The following BFSP2 variants were observed in gnomAD, a reference collection of about 807,000 sequenced individuals.
BFSP2 encodes phakinin.
A neutral mutation model predicts 44.9 loss-of-function variants in BFSP2; 38 were observed. The ratio of observed to expected loss-of-function variants is 0.85; its 90% CI spans 0.65 to 1.11. The LOEUF (loss-of-function observed/expected upper bound fraction) is 1.11. BFSP2 is among the 50% of genes least tolerant of loss of function. The pLI is 0.00. For missense variants in BFSP2, 525 were observed against 533.0 expected (o/e 0.99, Z 0.15); for synonymous variants, 197 against 209.9 (o/e 0.94, Z 0.53).
At chr3:133,431,406 A>T (rs1207826745) in intron 1 of BFSP2, among the ~76,000 whole-genome samples, 1 of 152,120 alleles carries the variant, frequency 6.6e-6, no homozygotes, top group Non-Finnish European at 1.5e-5. Flanking sequence ...GCTTGCTTCA[A>T]GTGCCAGAAA....
At chr3:133,425,785 G>GAAAGGGAAAGGGA (rs149805571) in intron 1 of BFSP2, among the ~76,000 whole-genome samples, 1,282 of 25,574 alleles carry the variant, frequency 0.05, 36 homozygotes, top group African/African-American at 0.072. Context: ...AAGGGAAAGG[G>GAAAGGGAAAGGGA]AAGGGAAGGG....
chr3:133,432,313 AC>A (rs755785633), intron 1 of BFSP2, among the ~76,000 whole-genome samples: 31 of 152,214 alleles, frequency 2.0e-4, no homozygotes, highest in African/African-American at 7.0e-4. Context: ...CAACCGGTAC[AC>A]CCTTTCGTCC....
chr3:133,419,219 C>T (rs2073571175), intron 1 of BFSP2, among the ~76,000 whole-genome samples: 1 of 152,140 alleles, frequency 6.6e-6, no homozygotes, highest in African/African-American at 2.4e-5. Flanking sequence ...ACCGAATTAC[C>T]TCTTTAAAGA....
chr3:133,450,027 A>AG (rs10689448), intron 3 of BFSP2, among the ~76,000 whole-genome samples: 1 of 67,722 alleles, frequency 1.5e-5, no homozygotes. Context: ...GGAGGGAGGG[A>AG]GGGGGAGGGA....
intron 1 of BFSP2, among the ~76,000 whole-genome samples, chr3:133,416,496 CTGTG>C (rs2073531291): frequency 1.4e-5 from 2 of 147,622 alleles, no homozygotes; most frequent in African/African-American, 2.5e-5. Context: ...CATCCCTGTC[CTGTG>C]TCTGCCCTCT....
intron 6 of BFSP2, 58 bp from the exon 7 acceptor site, chr3:133,474,911 G>T (rs765457810): frequency 9.3e-6 from 15 of 1,606,302 alleles, no homozygotes; most frequent in Non-Finnish European, 1.2e-5. Context: ...ATCCTATTGT[G>T]ATAGAATGAC....
intron 1 of BFSP2, among the ~76,000 whole-genome samples, chr3:133,424,705 G>A (rs978846950): frequency 3.3e-5 from 5 of 152,106 alleles, no homozygotes; most frequent in Admixed American, 1.3e-4. Flanking sequence ...GCACAATCTC[G>A]GCTCAGTTCA....
rs117711906 is a variant in BFSP2, at chr3:133,467,420, C to T, written c.1023+461C>T. 1.1e-3 allele frequency among the ~76,000 whole-genome samples: 160 copies of T among 152,290 alleles called. 2 individuals carry two copies. In the East Asian group the frequency reaches 0.03, roughly 28 times the overall value. On this transcript the variant is annotated intron_variant, in intron 5 of 6. Coordinates refer to ENST00000302334, the MANE Select transcript of BFSP2 (RefSeq NM_003571.4). Reference sequence around the variant, plus strand: ...ATAGGACCAGGCTGTAGCCAGATTCCAGAGACCACATCCTCGCTTAGTGCC... The same window carrying T: ...ATAGGACCAGGCTGTAGCCAGATTCTAGAGACCACATCCTCGCTTAGTGCC...
intron 1 of BFSP2, among the ~76,000 whole-genome samples, chr3:133,422,936 G>A (rs775800210): frequency 6.6e-5 from 10 of 152,196 alleles, no homozygotes; most frequent in Non-Finnish European, 1.3e-4. Context: ...GATTGTGCCT[G>A]CCTATACCTG....
rs2073355875 is a variant in BFSP2 at position 133,400,639 on chromosome 3, G to C, written c.489+67G>C. On this transcript the variant is annotated intron_variant, in intron 1 of 6. Coordinates refer to ENST00000302334, the MANE Select transcript of BFSP2 (RefSeq NM_003571.4). This position sits in a 1 kb window ranked among gnomAD's most constrained non-coding sequence, Gnocchi z 4.0. ...GAGGGGCTGCTGAAGGCAGCGGGTA[G>C]GGTTGTGAGTAGGCTGAGGCCAGAG... 1 of 1,549,764 alleles carries C rather than the reference G, an allele frequency of 6.5e-7. No individual in the cohort carries two copies. Among genetic ancestry groups the C allele is most frequent in the Admixed American group, 2.0e-5 (1 of 51,090 alleles).
At position 133,472,549 on chromosome 3, in the gene BFSP2, G is replaced by A. The variant is rs781558027; in HGVS notation, c.1228G>A (p.Asp410Asn). The A allele has an allele frequency of 6.2e-7, 1 of 1,612,126 alleles. No individual in the cohort carries two copies. The highest frequency in any genetic ancestry group is 2.2e-5 in the East Asian group (1 of 44,884). The change falls in exon 6 of 7, where the codon GAC becomes AAC. Residue 410 changes from aspartate to asparagine, a missense_variant. Asp to Asn is a conservative substitution (Grantham distance 23). Coordinates refer to ENST00000302334, the MANE Select transcript of BFSP2 (RefSeq NM_003571.4). ...CGTGGCGTCCTACCACGCCCTGCTG[G>A]ACAGGGAGGAGAGCGGGTAAGCCTC... ...KDVASYHALL[D>N]REESG
At chr3:133,422,048 A>G (rs1055526136) in intron 1 of BFSP2, among the ~76,000 whole-genome samples, 1 of 142,876 alleles carries the variant, frequency 7.0e-6, no homozygotes, top group African/African-American at 2.6e-5. Flanking sequence ...CAGAGGTTGC[A>G]GTGAGCCAAG....
At chr3:133,418,613 C>T (rs2073566278) in intron 1 of BFSP2, among the ~76,000 whole-genome samples, 1 of 152,154 alleles carries the variant, frequency 6.6e-6, no homozygotes, top group Admixed American at 6.5e-5. Context: ...CAGCCACCCC[C>T]CGGAATGGGC....
At position 133,400,273 on chromosome 3, in the gene BFSP2, G is replaced by T. The variant is rs1158694669; in HGVS notation, c.190G>T (p.Gly64Trp). The change falls in exon 1 of 7, where the codon GGG becomes TGG. Residue 64 changes from glycine (G) to tryptophan (W), a missense_variant. Transcript: ENST00000302334. This position sits in a 1 kb window ranked among gnomAD's most constrained non-coding sequence, Gnocchi z 4.0. ...PGVYVGTAPS[G>W]CIGGLGARVT... ...GGTCTATGTAGGAACAGCACCCAGT[G>T]GGTGCATAGGTGGCTTGGGTGCCCG... 2 of 1,613,922 alleles carry T rather than the reference G, an allele frequency of 1.2e-6. No individual in the cohort carries two copies. Among genetic ancestry groups the T allele is most frequent in the African/African-American group, 1.3e-5 (1 of 74,938 alleles).
At chr3:133,423,877 A>G (rs1234602970) in intron 1 of BFSP2, among the ~76,000 whole-genome samples, 1 of 152,166 alleles carries the variant, frequency 6.6e-6, no homozygotes, top group Non-Finnish European at 1.5e-5. Flanking sequence ...TGATCCTGGG[A>G]AGCCAGTCAC....
chr3:133,470,338 G>A (rs1373778442), intron 5 of BFSP2, among the ~76,000 whole-genome samples: 1 of 152,188 alleles, frequency 6.6e-6, no homozygotes, highest in Non-Finnish European at 1.5e-5. Context: ...AGAATTTTCT[G>A]TTTCATCCAT....
At chr3:133,473,066 T>C (rs906203456) in intron 6 of BFSP2, among the ~76,000 whole-genome samples, 2 of 152,028 alleles carry the variant, frequency 1.3e-5, no homozygotes, top group Non-Finnish European at 2.9e-5. Context: ...TAGCTGGGGT[T>C]ACAGGTGTGA....
At chr3:133,474,422 G>A (rs1292183017) in intron 6 of BFSP2, among the ~76,000 whole-genome samples, 1 of 152,230 alleles carries the variant, frequency 6.6e-6, no homozygotes, top group Admixed American at 6.5e-5. Flanking sequence ...TTATTCAGAA[G>A]GCGGGAGAGC....
chr3:133,457,564 T>C (rs920423297), intron 4 of BFSP2, among the ~76,000 whole-genome samples: 1 of 152,234 alleles, frequency 6.6e-6, no homozygotes, highest in African/African-American at 2.4e-5. Flanking sequence ...ATATTTTTTT[T>C]CCTGTCTTTT....
Sources: gnomAD v4.1 joint callset for allele counts (sites outside exome capture counted in the v4.1 genomes callset) on GRCh38, gnomAD v4.1.1 for gene constraint, Gnocchi (gnomAD v3.1) non-coding constraint, MANE v1.5 for transcripts, NCBI Gene and HGNC (gene_info 2026-07-23, HGNC 2026-07-21) for gene names.